The following HAL variants were observed in gnomAD, a reference collection of about 807,000 sequenced individuals.
HAL encodes the protein histidase.
A neutral mutation model predicts 81.1 loss-of-function variants in HAL; 85 were observed. That is an observed-to-expected ratio of 1.05 (90% CI 0.88 to 1.25). The LOEUF (loss-of-function observed/expected upper bound fraction) is 1.25. HAL is among the 50% of genes most tolerant of loss of function. The probability of loss-of-function intolerance (pLI) is 0.00; values close to 1 mark genes in which losing one functional copy is unlikely to be tolerated. For synonymous variants in HAL, 301 were observed against 309.2 expected (o/e 0.97, Z 0.28); for missense variants, 798 against 836.6 (o/e 0.95, Z 0.57).
chr12:95,977,960 G>C lies in HAL; in HGVS notation c.1638C>G (p.Ile546Met). 1 of 1,614,168 alleles carries C rather than the reference G, an allele frequency of 6.2e-7. No homozygotes were observed. The highest frequency in any genetic ancestry group is 8.5e-7 in the Non-Finnish European group (1 of 1,180,020). ...CAGCATTACCTTGCTCCACATGCTC[G>C]ATGACCCTGAGGGCTTTCCTTGCTG... The part of the protein sequence containing the change: ...GWAARKALRV[I>M]EHVEQVLAIE... Residue 546 changes from isoleucine (I) to methionine (M), a missense_variant, in exon 18 of 21, where the codon ATC becomes ATG. Physicochemically the swap from Ile to Met is conservative, Grantham distance 10. Transcript: ENST00000261208.
At chr12:95,977,216 T>C (rs2080731507) in intron 18 of HAL, among the ~76,000 whole-genome samples, 1 of 152,102 alleles carries the variant, frequency 6.6e-6, no homozygotes, top group South Asian at 2.1e-4. Flanking sequence ...AGAAATTGCT[T>C]CCAGGTCCAC....
Position 95,988,201 on chromosome 12 carries a change from G to T in HAL, c.895C>A (p.Pro299Thr). 6.7e-7 allele frequency: 1 copy of T among 1,485,704 alleles called. No individual in the cohort carries two copies. Among genetic ancestry groups the T allele is most frequent in the Non-Finnish European group, 9.4e-7 (1 of 1,063,120 alleles). The allele number at this position is 1,485,704 out of a possible 1,614,324, so 92.0% of individuals were successfully genotyped here. ...TTCTTGAGTTTCCTTACCTCTTTTG[G>T]TTTTAAAATAACTGGTTTCAATCCA... is the stretch of plus-strand genomic sequence containing the variant. ...AHGLKPVILKPKEGLALINGT... is the reference protein window; with the variant it reads ...AHGLKPVILKTKEGLALINGT... The change falls in exon 11 of 21, where the codon CCA (proline) becomes ACA (threonine). Residue 299 changes from proline (P) to threonine (T), a missense_variant. Pro to Thr is a conservative substitution (Grantham distance 38, BLOSUM62 -1). Coordinates refer to ENST00000261208, the MANE Select transcript of HAL (RefSeq NM_002108.4).
chr12:95,995,010 G>A lies in HAL; in HGVS notation c.248-17C>T, dbSNP rs781695198. On this transcript the variant is annotated splice_polypyrimidine_tract_variant and intron_variant, in intron 2 of 20. Transcript: ENST00000261208. ...CCTCTATAACTAAAACAATGCACGGGAGACTCGTTACAGATCACATTGTAC... is the reference window on the plus strand; with the variant it reads ...CCTCTATAACTAAAACAATGCACGGAAGACTCGTTACAGATCACATTGTAC... 6.3e-7 allele frequency: 1 copy of A among 1,584,766 alleles called. No individual in the cohort carries two copies. The highest frequency in any genetic ancestry group is 8.7e-7 in the Non-Finnish European group (1 of 1,153,494).
Position 95,995,761 on chromosome 12 carries a change from G to T in HAL, c.150C>A (p.Asp50Glu). 6.2e-7 allele frequency: 1 copy of T among 1,613,650 alleles called. No individual in the cohort carries two copies. The highest frequency in any genetic ancestry group is 8.5e-7 in the Non-Finnish European group (1 of 1,179,982). The change falls in exon 2 of 21, where the codon GAC becomes GAA. Residue 50 changes from aspartate to glutamate, a missense_variant. Transcript: ENST00000261208. ...PDNGGFTSVD[D>E]AHFLVRRCKG... ...TGCACCGGCGCACAAGGAAGTGCGC[G>T]TCATCCACGGAGGTGAAGCCACCAT...
intron 12 of HAL, 83 bp downstream of exon 12, chr12:95,986,974 GCCCCCACCAC>G: frequency 9.3e-7 from 1 of 1,075,372 alleles, no homozygotes; most frequent in Non-Finnish European, 1.4e-6. Context: ...CCTACTACCT[GCCCCCACCAC>G]TTCTGTGTCT....
intron 8 of HAL, 50 bp from the exon 9 acceptor site, chr12:95,992,855 T>C: frequency 6.5e-7 from 1 of 1,545,322 alleles, no homozygotes. Flanking sequence ...CTCCTTTTTG[T>C]CTCCTGACAA....
At chr12:95,995,065 CGGCCCATCATT>C (rs1244731963) in intron 2 of HAL, 72 bp from the exon 3 acceptor site, 51 of 1,149,904 alleles carry the variant, frequency 4.4e-5, no homozygotes, top group Admixed American at 2.5e-4. Context: ...AACCAAGGAA[CGGCCCATCATT>C]GGCCCATGAA....
intron 17 of HAL, among the ~76,000 whole-genome samples, chr12:95,978,916 C>G (rs946499635): frequency 6.6e-6 from 1 of 152,138 alleles, no homozygotes; most frequent in Non-Finnish European, 1.5e-5. Context: ...AAGATGATCT[C>G]GCTTTAAACT....
intron 11 of HAL, among the ~76,000 whole-genome samples, chr12:95,987,754 G>A (rs1949912380): frequency 6.6e-6 from 1 of 152,114 alleles, no homozygotes; most frequent in Non-Finnish European, 1.5e-5. Context: ...TGTTGCTCAG[G>A]CTGGTGTGCA....
rs780994821 is a variant in HAL at position 95,980,893 on chromosome 12, A to T, written c.1288-30T>A. 3 of 1,349,358 alleles carry T rather than the reference A, an allele frequency of 2.2e-6. No homozygotes were observed. The African/African-American group carries it at 4.3e-5, about 20-fold the overall frequency. The allele number at this position is 1,349,358 out of a possible 1,614,324, so 83.6% of individuals were successfully genotyped here. On this transcript the variant is annotated intron_variant, in intron 15 of 20. Transcript: ENST00000261208. ...CAAAAGAGGTTAAGGCTTGAAGATA[A>T]TGTTTGCTGGTCACTTCAAGTACAA...
chr12:95,975,347 CTTTTTT>C (rs35532808), intron 20 of HAL, among the ~76,000 whole-genome samples: 181 of 141,990 alleles, frequency 1.3e-3, no homozygotes, highest in African/African-American at 4.5e-3. Context: ...CCTCTTTTTT[CTTTTTT>C]TTTTTTTTTC....
In HAL at chr12:95,984,071, T is replaced by G. The variant is rs888777509; in HGVS notation, c.1207-80A>C. The G allele has an allele frequency of 7.9e-6, 6 of 757,746 alleles. No individual in the cohort carries two copies. The East Asian group carries it at 1.6e-4, about 20-fold the overall frequency. The allele number at this position is 757,746 out of a possible 1,614,324, so 46.9% of individuals were successfully genotyped here. ...AATATTCTTAAAAGAATATAGAAGA[T>G]CTTATCTTAAAGTTATAAAGAATAC... On this transcript the variant is annotated intron_variant, in intron 14 of 20. Coordinates refer to ENST00000261208, the MANE Select transcript of HAL (RefSeq NM_002108.4).
rs564496178 is a variant in HAL, at chr12:95,994,331, G to A, written c.337-167C>T. On this transcript the variant is annotated intron_variant, in intron 4 of 20. Transcript: ENST00000261208. ...CTTGCATAAGAGGAGGCTTATTGGT[G>A]CAAAAGCATAATGCCTTTCCAAGCC... 1.8e-4 allele frequency among the ~76,000 whole-genome samples: 28 copies of A among 152,342 alleles called. No individual in the cohort carries two copies. In the South Asian group the frequency reaches 4.8e-3, roughly 26 times the overall value.
Position 95,990,545 on chromosome 12 carries a change from T to A in HAL, c.716-13A>T, listed in dbSNP as rs201938057. 6.2e-7 allele frequency: 1 copy of A among 1,611,794 alleles called. No homozygotes were observed. Among genetic ancestry groups the A allele is most frequent in the African/African-American group, 1.3e-5 (1 of 74,998 alleles). ...GGCAGGCAGGAGGCTGGGAGAGAAG[T>A]AGGCAGCAATTAGTTCAAGAGTACT... On this transcript the variant is annotated splice_polypyrimidine_tract_variant and intron_variant, in intron 9 of 20. Coordinates refer to ENST00000261208, the MANE Select transcript of HAL (RefSeq NM_002108.4).
Position 95,992,715 on chromosome 12 carries a change from A to G in HAL, c.680T>C (p.Leu227Pro). 1.2e-6 allele frequency: 2 copies of G among 1,612,998 alleles called. No individual in the cohort carries two copies. Among genetic ancestry groups the G allele is most frequent in the Non-Finnish European group, 1.7e-6 (2 of 1,178,948 alleles). Residue 227 changes from leucine (L) to proline (P), a missense_variant, in exon 9 of 21, where the codon CTG becomes CCG. Transcript: ENST00000261208. Reference protein sequence around the residue: ...VLAKGYSGISLETLKQVIEMF... With the variant: ...VLAKGYSGISPETLKQVIEMF... ...TTCTATGACTTGTTTGAGGGTCTCC[A>G]GGGAAATGCCACTGTATCCTTTGGC...
intron 18 of HAL, among the ~76,000 whole-genome samples, chr12:95,977,247 C>G (rs568260368): frequency 6.6e-6 from 1 of 152,224 alleles, no homozygotes; most frequent in Admixed American, 6.5e-5. Flanking sequence ...ACAACTTCAT[C>G]CTCTCCCACT....
At position 95,996,326 on chromosome 12, in the gene HAL, C is replaced by A. The variant is rs1950036160; in HGVS notation, c.-330G>T. On this transcript the variant is annotated 5_prime_UTR_variant, in exon 1 of 21. The change abolishes an upstream ATG in the 5' untranslated region. Coordinates refer to ENST00000261208, the MANE Select transcript of HAL (RefSeq NM_002108.4). ...GCCATTAAGGGCAGCTTATAAACAC[C>A]ATGTTCCTGTCTTTATCTGAGATTA... is the stretch of plus-strand genomic sequence containing the variant. 2.8e-5 allele frequency: 7 copies of A among 247,740 alleles called. No individual in the cohort carries two copies. The South Asian group carries it at 3.4e-4, about 12-fold the overall frequency. 15.3% of individuals were successfully genotyped at this position (247,740 alleles called of 1,614,324 possible).
intron 14 of HAL, 89 bp downstream of exon 14, chr12:95,985,819 T>C (rs1318238681): frequency 1.2e-6 from 1 of 836,504 alleles, no homozygotes; most frequent in East Asian, 2.6e-5. Context: ...TCTAACACTT[T>C]CCTATTTTAA....
chr12:95,978,766 C>T (rs2080756658), intron 17 of HAL, among the ~76,000 whole-genome samples: 1 of 152,146 alleles, frequency 6.6e-6, no homozygotes, highest in Non-Finnish European at 1.5e-5. Context: ...GTAGCAAAAA[C>T]TTAGGTTATG....
Sources: allele counts gnomAD v4.1 joint callset (sites outside exome capture counted in the v4.1 genomes callset), GRCh38; gene constraint gnomAD v4.1.1; transcripts MANE v1.5; gene names NCBI Gene and HGNC (gene_info 2026-07-23, HGNC 2026-07-21).